The following RIN2 variants were observed in gnomAD, a reference collection of about 807,000 sequenced individuals.
RIN2 encodes RAB5 interacting protein 2.
A neutral mutation model predicts 78.0 loss-of-function variants in RIN2; 36 were observed. The ratio of observed to expected loss-of-function variants is 0.46; its 90% CI spans 0.35 to 0.61. The LOEUF (loss-of-function observed/expected upper bound fraction) is 0.61. Ranked by LOEUF, RIN2 falls within the 20% of genes least tolerant of loss-of-function variation. The probability of loss-of-function intolerance (pLI) is 0.00; values close to 1 mark genes in which losing one functional copy is unlikely to be tolerated. For synonymous variants in RIN2, 466 were observed against 466.8 expected (o/e 1.00, Z 0.02); for missense variants, 1,087 against 1,159.7 (o/e 0.94, Z 0.91).
intron 1 of RIN2, among the ~76,000 whole-genome samples, chr20:19,788,761 A>G (rs35753323): frequency 0.11 from 16,450 of 152,160 alleles, 1,020 homozygotes; most frequent in South Asian, 0.18. Context: ...ACATTGAGAG[A>G]AATTAAAGAA....
Position 19,952,613 on chromosome 20 carries a change from C to G in RIN2, c.159-4002C>G, listed in dbSNP as rs186155392. Reference sequence around the variant, plus strand: ...TTTAGGCTGAGGTCACTTGTCAGAACAAAGGCTTTTCAGCTCCTTGAAACC... The same window carrying G: ...TTTAGGCTGAGGTCACTTGTCAGAAGAAAGGCTTTTCAGCTCCTTGAAACC... On this transcript the variant is annotated intron_variant, in intron 4 of 12. Transcript: ENST00000255006. 1.3e-3 allele frequency among the ~76,000 whole-genome samples: 193 copies of G among 152,312 alleles called. 1 individual carries two copies. Among genetic ancestry groups the G allele is most frequent in the African/African-American group, 4.2e-3 (176 of 41,566 alleles).
At chr20:19,799,856 G>A (rs1258858894) in intron 2 of RIN2, 109 bp downstream of exon 2, 1 of 152,320 alleles carries the variant, frequency 6.6e-6, no homozygotes, top group Middle Eastern at 3.4e-3. Flanking sequence ...TGTGATATGT[G>A]GTCGTGGAAG....
chr20:19,893,728 G>C (rs1377417582), intron 3 of RIN2, among the ~76,000 whole-genome samples: 1 of 152,114 alleles, frequency 6.6e-6, no homozygotes, highest in African/African-American at 2.4e-5. Flanking sequence ...CAGCACCATT[G>C]TTAATTTTCC....
intron 3 of RIN2, among the ~76,000 whole-genome samples, chr20:19,890,376 C>T (rs1175128006): frequency 3.3e-5 from 5 of 151,822 alleles, no homozygotes; most frequent in Non-Finnish European, 5.9e-5. Flanking sequence ...TGCTTTGTTT[C>T]CTTTCATTCA....
intron 5 of RIN2, among the ~76,000 whole-genome samples, chr20:19,960,034 T>G (rs952063552): frequency 2.6e-5 from 4 of 152,214 alleles, no homozygotes; most frequent in African/African-American, 9.6e-5. Context: ...CAGGAATAAA[T>G]GGACAGCCTC....
At chr20:19,892,841 C>T (rs536230866) in intron 3 of RIN2, among the ~76,000 whole-genome samples, 6 of 152,244 alleles carry the variant, frequency 3.9e-5, no homozygotes, top group South Asian at 4.2e-4. Flanking sequence ...GAGGGGAGTT[C>T]GGTGCTGAGA....
chr20:19,855,247 G>A (rs1378655947), intron 2 of RIN2, among the ~76,000 whole-genome samples: 10 of 152,132 alleles, frequency 6.6e-5, no homozygotes, highest in Non-Finnish European at 1.3e-4. Flanking sequence ...GATCTTGGTG[G>A]ATAAGCTTTT....
chr20:19,804,988 A>G (rs1016078097), intron 2 of RIN2, among the ~76,000 whole-genome samples: 2 of 152,092 alleles, frequency 1.3e-5, no homozygotes, highest in Non-Finnish European at 2.9e-5. Context: ...GTGTCCAGTA[A>G]TTTATCCATT....
At chr20:19,858,499 A>C (rs910307723) in intron 2 of RIN2, among the ~76,000 whole-genome samples, 1 of 152,178 alleles carries the variant, frequency 6.6e-6, no homozygotes, top group Non-Finnish European at 1.5e-5. Flanking sequence ...AGCTTGTCAA[A>C]TTTTATGAAA....
chr20:19,960,897 A>G (rs2041724603), intron 6 of RIN2, 86 bp downstream of exon 6: 2 of 773,430 alleles, frequency 2.6e-6, no homozygotes, highest in Admixed American at 2.6e-5. Context: ...TCTGGTTATG[A>G]GATGGGCAGA....
intron 3 of RIN2, among the ~76,000 whole-genome samples, chr20:19,916,630 C>T (rs1331026993): frequency 1.3e-5 from 2 of 152,128 alleles, no homozygotes; most frequent in African/African-American, 4.8e-5. Flanking sequence ...TTTTGCAGAC[C>T]ACTGCTCCCC....
intron 10 of RIN2, 136 bp downstream of exon 10, chr20:19,990,447 A>G (rs2042764021): frequency 3.8e-6 from 3 of 780,722 alleles, no homozygotes; most frequent in Non-Finnish European, 4.1e-6. Flanking sequence ...TTACAGAACT[A>G]CAAGTGATTC....
chr20:19,836,596 G>GCT (rs145293810), intron 2 of RIN2, among the ~76,000 whole-genome samples: 95 of 148,700 alleles, frequency 6.4e-4, no homozygotes, highest in East Asian at 3.9e-3. Context: ...GAGACCATGA[G>GCT]CTCTCTCTCT....
At chr20:19,760,434 G>C (rs1391918108) in intron 1 of RIN2, among the ~76,000 whole-genome samples, 3 of 152,114 alleles carry the variant, frequency 2.0e-5, no homozygotes, top group Non-Finnish European at 4.4e-5. Flanking sequence ...GTGGGAGGGA[G>C]CTTGACTCCC....
At chr20:19,839,371 T>C (rs1322666218) in intron 2 of RIN2, among the ~76,000 whole-genome samples, 1 of 152,210 alleles carries the variant, frequency 6.6e-6, no homozygotes, top group African/African-American at 2.4e-5. Context: ...AGATCCGCCG[T>C]ATCATACCAG....
chr20:19,809,512 G>C (rs7264249), intron 2 of RIN2: 1 of 152,224 alleles, frequency 6.6e-6, no homozygotes, highest in Non-Finnish European at 1.5e-5. Flanking sequence ...TGTGGATGAC[G>C]ATGGTGACTT....
At chr20:19,843,620 A>G (rs1311598382) in intron 2 of RIN2, among the ~76,000 whole-genome samples, 1 of 152,230 alleles carries the variant, frequency 6.6e-6, no homozygotes, top group African/African-American at 2.4e-5. Flanking sequence ...TGGAAAACCA[A>G]AAACTTTGCA....
intron 3 of RIN2, among the ~76,000 whole-genome samples, chr20:19,921,428 C>T (rs1039637470): frequency 3.3e-5 from 5 of 152,156 alleles, no homozygotes; most frequent in Admixed American, 3.3e-4. Context: ...CCTGATTTAC[C>T]CCCTGCCTGG....
intron 1 of RIN2, among the ~76,000 whole-genome samples, chr20:19,759,417 G>A (rs558652819): frequency 1.3e-5 from 2 of 152,102 alleles, no homozygotes; most frequent in African/African-American, 4.8e-5. Context: ...GGAGTGCAAA[G>A]GGCTTACTGG....
Sources: gnomAD v4.1 joint callset for allele counts (sites outside exome capture counted in the v4.1 genomes callset) on GRCh38, gnomAD v4.1.1 for gene constraint, MANE v1.5 for transcripts, NCBI Gene and HGNC (gene_info 2026-07-23, HGNC 2026-07-21) for gene names.